The following TMEM132D variants were observed in gnomAD, a reference collection of about 807,000 sequenced individuals.
The protein encoded by TMEM132D is mature OL transmembrane protein.
A neutral mutation model predicts 62.3 loss-of-function variants in TMEM132D; 21 were observed. The observed-to-expected ratio is 0.34, with a 90% confidence interval of 0.24 to 0.49. The LOEUF (loss-of-function observed/expected upper bound fraction) is 0.49, where lower values mean the gene tolerates loss of function less well. TMEM132D is among the 20% of genes least tolerant of loss of function. TMEM132D has a pLI of 0.99. For missense variants in TMEM132D, 1,346 were observed against 1,402.8 expected (o/e 0.96, Z 0.65); for synonymous variants, 621 against 575.6 (o/e 1.08, Z -1.13).
At chr12:129,243,926 A>G (rs1880002277) in intron 4 of TMEM132D, among the ~76,000 whole-genome samples, 1 of 151,806 alleles carries the variant, frequency 6.6e-6, no homozygotes, top group African/African-American at 2.4e-5. Context: ...CATTGATTTT[A>G]TTTTCTTTGG....
chr12:129,285,805 C>T (rs1193812938), intron 4 of TMEM132D, among the ~76,000 whole-genome samples: 1 of 151,870 alleles, frequency 6.6e-6, no homozygotes, highest in Non-Finnish European at 1.5e-5. Flanking sequence ...AATTTCAACC[C>T]ACATCACTCT....
intron 4 of TMEM132D, among the ~76,000 whole-genome samples, chr12:129,214,270 T>TA (rs1555238060): frequency 6.6e-6 from 1 of 151,952 alleles, no homozygotes; most frequent in Non-Finnish European, 1.5e-5. Context: ...GAGTGCTTTT[T>TA]ATTTTGATTT....
intron 1 of TMEM132D, among the ~76,000 whole-genome samples, chr12:129,744,469 T>C (rs1869710101): frequency 6.6e-6 from 1 of 152,138 alleles, no homozygotes; most frequent in Non-Finnish European, 1.5e-5. Flanking sequence ...GACAAACATA[T>C]GCCTGTAGGT....
intron 4 of TMEM132D, among the ~76,000 whole-genome samples, chr12:129,333,093 G>C (rs1464172325): frequency 6.6e-6 from 1 of 152,068 alleles, no homozygotes; most frequent in Non-Finnish European, 1.5e-5. Context: ...AGAGAAAATG[G>C]GCAAAGAACA....
chr12:129,553,966 C>T lies in TMEM132D; in HGVS notation c.969-22761G>A, dbSNP rs77188802. On this transcript the variant is annotated intron_variant, in intron 2 of 8. Coordinates refer to ENST00000422113, the MANE Select transcript of TMEM132D (RefSeq NM_133448.3). ...AAGGAAACTCTCCAAGCTTTCTTTC[C>T]GGGTCTCTCCACAAATCTTTGATTA... Among the ~76,000 whole-genome samples, 1,242 of 152,250 alleles carry T rather than the reference C, an allele frequency of 8.2e-3. 13 individuals are homozygous for T. The highest frequency in any genetic ancestry group is 0.026 in the African/African-American group (1,093 of 41,534).
At chr12:129,470,213 AGAT>A (rs1277971911) in intron 3 of TMEM132D, among the ~76,000 whole-genome samples, 1 of 152,228 alleles carries the variant, frequency 6.6e-6, no homozygotes, top group Non-Finnish European at 1.5e-5. Context: ...CAGTCACATA[AGAT>A]GAGCGCATTT....
At chr12:129,406,635 AG>A (rs1276711314) in intron 3 of TMEM132D, among the ~76,000 whole-genome samples, 2 of 151,924 alleles carry the variant, frequency 1.3e-5, no homozygotes, top group Non-Finnish European at 2.9e-5. Context: ...AAAAAAAAAA[AG>A]ATATGTACAC....
chr12:129,898,021 G>A (rs2137400043), intron 1 of TMEM132D, among the ~76,000 whole-genome samples: 1 of 152,288 alleles, frequency 6.6e-6, no homozygotes, highest in Admixed American at 6.5e-5. Flanking sequence ...TAACATCTCT[G>A]AACTTCAACT....
chr12:129,380,166 A>G (rs562298925), intron 3 of TMEM132D, among the ~76,000 whole-genome samples: 1 of 152,350 alleles, frequency 6.6e-6, no homozygotes, highest in East Asian at 1.9e-4. Flanking sequence ...GGTAATAACA[A>G]CATCCATTTA....
intron 3 of TMEM132D, among the ~76,000 whole-genome samples, chr12:129,343,283 G>A (rs1193105660): frequency 6.6e-6 from 1 of 152,092 alleles, no homozygotes; most frequent in East Asian, 1.9e-4. Flanking sequence ...GTAGGGACAT[G>A]GATAAAGCTG....
intron 1 of TMEM132D, among the ~76,000 whole-genome samples, chr12:129,719,144 C>T (rs1266119056): frequency 6.6e-6 from 1 of 151,120 alleles, no homozygotes; most frequent in East Asian, 1.9e-4. Flanking sequence ...CCTGTAGTCC[C>T]AGCTACTTGG....
intron 3 of TMEM132D, among the ~76,000 whole-genome samples, chr12:129,391,497 A>G (rs1871287946): frequency 6.6e-6 from 1 of 152,160 alleles, no homozygotes; most frequent in Admixed American, 6.5e-5. Flanking sequence ...AGAGAACCTC[A>G]CCCTCGAAAG....
intron 5 of TMEM132D, among the ~76,000 whole-genome samples, chr12:129,128,448 G>A (rs562632268): frequency 9.6e-4 from 146 of 152,182 alleles, no homozygotes; most frequent in African/African-American, 3.3e-3. Flanking sequence ...AGAGTGACTG[G>A]GGAAGGGCCC....
At position 129,867,577 on chromosome 12, in the gene TMEM132D, T is replaced by C. The variant is rs1483675737; in HGVS notation, c.79+35684A>G. Among the ~76,000 whole-genome samples the C allele has an allele frequency of 3.3e-5, 5 of 152,220 alleles. No individual in the cohort carries two copies. Among genetic ancestry groups the C allele is most frequent in the Non-Finnish European group, 5.9e-5 (4 of 68,048 alleles). ...TCTGTATAGTGTCCTTGAAATGTACTGAGAGGATAAATCTTCAGTGTTTTC... is the reference window on the plus strand; with the variant it reads ...TCTGTATAGTGTCCTTGAAATGTACCGAGAGGATAAATCTTCAGTGTTTTC... On this transcript the variant is annotated intron_variant, in intron 1 of 8. Coordinates refer to ENST00000422113, the MANE Select transcript of TMEM132D (RefSeq NM_133448.3). This position sits in a 1 kb window ranked among gnomAD's most constrained non-coding sequence, Gnocchi z 4.5.
intron 3 of TMEM132D, among the ~76,000 whole-genome samples, chr12:129,454,031 G>A (rs1316523141): frequency 2.6e-5 from 4 of 152,188 alleles, no homozygotes; most frequent in Admixed American, 6.5e-5. Flanking sequence ...CTACAGCAAT[G>A]TTCATGTTAT....
At chr12:129,866,413 G>A (rs565841871) in intron 1 of TMEM132D, among the ~76,000 whole-genome samples, 2 of 146,734 alleles carry the variant, frequency 1.4e-5, no homozygotes, top group Admixed American at 6.9e-5. Flanking sequence ...TGGACACAAG[G>A]TGGGGAACAT....
intron 3 of TMEM132D, among the ~76,000 whole-genome samples, chr12:129,518,555 GTGTA>G (rs952260861): frequency 2.3e-4 from 20 of 87,732 alleles, no homozygotes; most frequent in Non-Finnish European, 5.1e-4. Context: ...GTGTGTGTGT[GTGTA>G]TATATATACA....
chr12:129,235,493 C>T (rs553773482), intron 4 of TMEM132D, among the ~76,000 whole-genome samples: 2 of 151,808 alleles, frequency 1.3e-5, no homozygotes, highest in East Asian at 1.9e-4. Context: ...TCACTTAGCA[C>T]GATGATGTTG....
intron 2 of TMEM132D, among the ~76,000 whole-genome samples, chr12:129,603,302 A>G (rs890406587): frequency 6.6e-6 from 1 of 152,154 alleles, no homozygotes; most frequent in Non-Finnish European, 1.5e-5. Context: ...TGCTCTGCCC[A>G]TCTCTCCCCA....
Sources: gnomAD v4.1 joint callset for allele counts (sites outside exome capture counted in the v4.1 genomes callset) on GRCh38, gnomAD v4.1.1 for gene constraint, Gnocchi (gnomAD v3.1) non-coding constraint, MANE v1.5 for transcripts, NCBI Gene and HGNC (gene_info 2026-07-23, HGNC 2026-07-21) for gene names.